USP34: variants seen among roughly 807,000 people sequenced by gnomAD.
USP34 encodes the protein ubiquitin carboxyl-terminal hydrolase 34.
A neutral mutation model predicts 460.3 loss-of-function variants in USP34; 70 were observed. The ratio of observed to expected loss-of-function variants is 0.15; its 90% confidence interval spans 0.13 to 0.19. The LOEUF is 0.19. USP34 is among the 10% of genes least tolerant of loss of function. USP34 has a pLI of 1.00. For missense variants in USP34, 3,985 were observed against 4,236.2 expected (o/e 0.94, Z 1.65); for synonymous variants, 1,647 against 1,405.3 (o/e 1.17, Z -3.85).
At chr2:61,411,059 A>G (rs1694022257) in intron 2 of USP34, among the ~76,000 whole-genome samples, 2 of 152,170 alleles carry the variant, frequency 1.3e-5, no homozygotes, top group Admixed American at 6.5e-5. Context: ...AATGAACAAG[A>G]TAAACTCAGG....
At chr2:61,452,678 G>A (rs1020409943) in intron 1 of USP34, among the ~76,000 whole-genome samples, 3 of 151,218 alleles carry the variant, frequency 2.0e-5, no homozygotes, top group Admixed American at 2.0e-4. Context: ...GAAACCAGGA[G>A]TTCGAGACCC....
At chr2:61,206,190 C>T (rs1687113580) in intron 71 of USP34, 66 bp from the exon 72 acceptor site, 1 of 1,306,542 alleles carries the variant, frequency 7.7e-7, no homozygotes, top group Non-Finnish European at 1.1e-6. Flanking sequence ...ATGTTTTCTA[C>T]TGTAAACTAC....
intron 1 of USP34, among the ~76,000 whole-genome samples, chr2:61,453,620 G>A (rs558504566): frequency 7.0e-5 from 10 of 143,344 alleles, no homozygotes; most frequent in African/African-American, 2.6e-4. Flanking sequence ...TGAGGCAGGA[G>A]AATCACTTGA....
chr2:61,187,756 C>T lies in USP34; in HGVS notation c.*346G>A, dbSNP rs1686476473. The T allele has an allele frequency of 3.7e-6, 2 of 536,530 alleles. No individual in the cohort carries two copies. Among genetic ancestry groups the T allele is most frequent in the Non-Finnish European group, 2.5e-6 (1 of 397,568 alleles). The allele number at this position is 536,530 out of a possible 1,614,324, so 33.2% of individuals were successfully genotyped here. On this transcript the variant is annotated 3_prime_UTR_variant, in exon 80 of 80. Transcript: ENST00000398571. ...TAAGGTACAAAACTGGCACAGAGGACACCATATCATACACAGTAAAAATGC... is the reference window on the plus strand; with the variant it reads ...TAAGGTACAAAACTGGCACAGAGGATACCATATCATACACAGTAAAAATGC...
At chr2:61,216,396 C>A (rs1007898708) in intron 67 of USP34, among the ~76,000 whole-genome samples, 1 of 149,958 alleles carries the variant, frequency 6.7e-6, no homozygotes, top group Non-Finnish European at 1.5e-5. Context: ...GTCAGGAGCT[C>A]GAGATCATCC....
At chr2:61,424,313 T>G (rs1694446714) in intron 1 of USP34, among the ~76,000 whole-genome samples, 1 of 152,176 alleles carries the variant, frequency 6.6e-6, no homozygotes. Flanking sequence ...CTAAACATAT[T>G]TAAGTATAGA....
In USP34 at chr2:61,203,269, G is replaced by A. The variant is rs1258719124; in HGVS notation, c.9385-6C>T. 1 of 1,517,386 alleles carries A rather than the reference G, an allele frequency of 6.6e-7. No homozygotes were observed. Among genetic ancestry groups the A allele is most frequent in the Non-Finnish European group, 8.8e-7 (1 of 1,132,578 alleles). The allele number at this position is 1,517,386 out of a possible 1,614,324, so 94.0% of individuals were successfully genotyped here. A position where few individuals can be genotyped will look rare whatever the true frequency, so the allele number is the denominator to read the frequency against. On this transcript the variant is annotated splice_polypyrimidine_tract_variant and splice_region_variant and intron_variant, in intron 74 of 79. Transcript: ENST00000398571. ...TCATAAACGTCATCTTTGCCCTGAA[G>A]GTTAAAGATGATAAAATGGTTGCAC... is the stretch of plus-strand genomic sequence containing the variant.
At chr2:61,227,779 C>G (rs1226653089) in intron 61 of USP34, among the ~76,000 whole-genome samples, 1 of 151,894 alleles carries the variant, frequency 6.6e-6, no homozygotes, top group Non-Finnish European at 1.5e-5. Flanking sequence ...CTTACCTTAC[C>G]TATAAACCCT....
intron 29 of USP34, among the ~76,000 whole-genome samples, chr2:61,297,390 G>A (rs1022947212): frequency 2.6e-5 from 4 of 152,150 alleles, no homozygotes; most frequent in East Asian, 1.9e-4. Flanking sequence ...ATGAACAGAC[G>A]TTAAGAAGAA....
intron 21 of USP34, among the ~76,000 whole-genome samples, chr2:61,320,395 G>T (rs998901130): frequency 6.6e-6 from 1 of 152,172 alleles, no homozygotes; most frequent in African/African-American, 2.4e-5. Flanking sequence ...CACAGTGCAT[G>T]TCTTTGGGAT....
In USP34 at chr2:61,439,782, AGACCT is replaced by A. The variant is rs1467903361; in HGVS notation, c.44-18954_44-18950del. Among the ~76,000 whole-genome samples, 3 of 152,288 alleles carry A rather than the reference AGACCT, an allele frequency of 2.0e-5. No homozygotes were observed. The East Asian group carries it at 5.8e-4, about 29-fold the overall frequency. ...GGCTGTGGGCAAAGGGTGGGCCTGGAGACCTGCTCAGCCATACCCTGTCACTATGT... is the reference window on the plus strand; with the variant it reads ...GGCTGTGGGCAAAGGGTGGGCCTGGAGCTCAGCCATACCCTGTCACTATGT... On this transcript the variant is annotated intron_variant, in intron 1 of 79. Coordinates refer to ENST00000398571, the MANE Select transcript of USP34 (RefSeq NM_014709.4).
rs572251783 is a variant in USP34 at position 61,441,574 on chromosome 2, C to T, written c.44-20741G>A. 4.6e-5 allele frequency among the ~76,000 whole-genome samples: 7 copies of T among 152,086 alleles called. No individual in the cohort carries two copies. The East Asian group carries it at 7.8e-4, about 17-fold the overall frequency. On this transcript the variant is annotated intron_variant, in intron 1 of 79. Coordinates refer to ENST00000398571, the MANE Select transcript of USP34 (RefSeq NM_014709.4). ...CCCCTGTGTCCCTGTAACTTCTGCT[C>T]GGCCACTCGGCTGCCCAGCCTAGGG... is the stretch of plus-strand genomic sequence containing the variant.
intron 43 of USP34, among the ~76,000 whole-genome samples, chr2:61,261,893 A>G (rs967877994): frequency 6.6e-6 from 1 of 151,634 alleles, no homozygotes; most frequent in Non-Finnish European, 1.5e-5. Context: ...TCACGAGGTC[A>G]GGAGTTTGAG....
intron 1 of USP34, among the ~76,000 whole-genome samples, chr2:61,422,942 G>C (rs1183553364): frequency 6.6e-6 from 1 of 152,150 alleles, no homozygotes; most frequent in Non-Finnish European, 1.5e-5. Flanking sequence ...TAAGGCTGAA[G>C]TGAGCCGAAA....
rs1234588458 is a variant in USP34 at position 61,232,580 on chromosome 2, T to C, written c.7033-48A>G. ...GACTTTAACATTCAACAAATATTTG[T>C]TACATGGGATAACAGTCACATAAGA... On this transcript the variant is annotated intron_variant, in intron 57 of 79. Coordinates refer to ENST00000398571, the MANE Select transcript of USP34 (RefSeq NM_014709.4). 3.6e-6 allele frequency: 5 copies of C among 1,380,702 alleles called. No homozygotes were observed. In the East Asian group the frequency reaches 1.2e-4, roughly 32 times the overall value. 85.5% of individuals were successfully genotyped at this position (1,380,702 alleles called of 1,614,324 possible).
rs551887517 is a variant in USP34 at position 61,377,521 on chromosome 2, T to C, written c.1076+842A>G. On this transcript the variant is annotated intron_variant, in intron 8 of 79. Transcript: ENST00000398571. ...TTGGGAGATAATTAGGTCATGAAGG[T>C]GGAGCCTTCATGAATGGGATTAGTG... is the stretch of plus-strand genomic sequence containing the variant. 7.2e-5 allele frequency among the ~76,000 whole-genome samples: 11 copies of C among 152,028 alleles called. No homozygotes were observed. The South Asian group carries it at 2.3e-3, about 32-fold the overall frequency.
chr2:61,387,713 A>AT (rs925693743), intron 5 of USP34, among the ~76,000 whole-genome samples: 1 of 147,878 alleles, frequency 6.8e-6, no homozygotes, highest in Admixed American at 6.8e-5. Flanking sequence ...GTAAAAATAT[A>AT]TTTTTACGTA....
chr2:61,266,975 G>T (rs1689067819), intron 41 of USP34, among the ~76,000 whole-genome samples: 1 of 152,162 alleles, frequency 6.6e-6, no homozygotes, highest in Non-Finnish European at 1.5e-5. Context: ...GGCAACTATG[G>T]TGAGTTATCC....
At chr2:61,393,871 C>T (rs139298032) in intron 5 of USP34, among the ~76,000 whole-genome samples, 2,962 of 152,202 alleles carry the variant, frequency 0.019, 51 homozygotes, top group Non-Finnish European at 0.031. Flanking sequence ...GGCACAGTCG[C>T]TCACGCCTGT....
Sources: gnomAD v4.1 joint callset for allele counts (sites outside exome capture counted in the v4.1 genomes callset) on GRCh38, gnomAD v4.1.1 for gene constraint, MANE v1.5 for transcripts, NCBI Gene and HGNC (gene_info 2026-07-23, HGNC 2026-07-21) for gene names.